Variants in TLL1 observed in about 807,000 individuals in gnomAD.
TLL1 encodes the protein tolloid like 1.
In TLL1, 49 loss-of-function variants were observed where a neutral mutation model predicts 128.2. The ratio of observed to expected loss-of-function variants is 0.38; its 90% CI spans 0.30 to 0.48. TLL1 has a LOEUF of 0.48. TLL1 is among the 20% of genes least tolerant of loss of function. The probability of loss-of-function intolerance (pLI) is 0.96; values close to 1 mark genes in which losing one functional copy is unlikely to be tolerated. For synonymous variants in TLL1, 454 were observed against 418.8 expected, an observed-to-expected ratio of 1.08 and a Z score of -1.03; for missense variants, 1,123 against 1,242.0, an observed-to-expected ratio of 0.90 and a Z score of 1.44.
Position 165,992,901 on chromosome 4 carries a change from A to G in TLL1, c.361+17A>G, listed in dbSNP as rs1219888568. The G allele has an allele frequency of 3.1e-6, 5 of 1,598,612 alleles. No homozygotes were observed. In the Admixed American group the frequency reaches 8.4e-5, roughly 27 times the overall value. ...TTGGCTTTGGTATATCAATGTTTAA[A>G]GTTGCAGACGCTTGACTTGATGTAC... On this transcript the variant is annotated intron_variant, in intron 3 of 20. Transcript: ENST00000061240.
chr4:165,948,901 A>G (rs945307457), intron 1 of TLL1, among the ~76,000 whole-genome samples: 3 of 152,138 alleles, frequency 2.0e-5, no homozygotes, highest in Admixed American at 6.5e-5. Context: ...TGTGGTAGAC[A>G]TAATTCTAAA....
chr4:166,098,292 G>A (rs188857809), intron 19 of TLL1, among the ~76,000 whole-genome samples: 83 of 126,922 alleles, frequency 6.5e-4, no homozygotes, highest in African/African-American at 2.3e-3. Flanking sequence ...CTGAGATCAC[G>A]CCACTGCACA....
At chr4:165,914,757 T>C (rs1732704415) in intron 1 of TLL1, among the ~76,000 whole-genome samples, 1 of 152,208 alleles carries the variant, frequency 6.6e-6, no homozygotes, top group African/African-American at 2.4e-5. Context: ...GGAACTCTTT[T>C]ATAATAGGCT....
intron 9 of TLL1, among the ~76,000 whole-genome samples, chr4:166,035,759 T>C (rs933738531): frequency 1.3e-5 from 2 of 152,160 alleles, no homozygotes; most frequent in Admixed American, 1.3e-4. Flanking sequence ...GGCTGTACAG[T>C]ATTTGTCACA....
At position 166,073,932 on chromosome 4, in the gene TLL1, A is replaced by G. The variant is rs78289241; in HGVS notation, c.2189-946A>G. On this transcript the variant is annotated intron_variant, in intron 16 of 20. Coordinates refer to ENST00000061240, the MANE Select transcript of TLL1 (RefSeq NM_012464.5). Reference sequence around the variant, plus strand: ...CTGTAACACGTCCTTTTCATTCTCTATGTGTGGGAGTGATGAAAGTCTGAG... The same window carrying G: ...CTGTAACACGTCCTTTTCATTCTCTGTGTGTGGGAGTGATGAAAGTCTGAG... 7.6e-3 allele frequency among the ~76,000 whole-genome samples: 1,155 copies of G among 152,054 alleles called. 6 individuals carry two copies. Among genetic ancestry groups the G allele is most frequent in the Middle Eastern group, 0.024 (7 of 294 alleles).
intron 1 of TLL1, among the ~76,000 whole-genome samples, chr4:165,919,312 G>T (rs530940422): frequency 1.3e-5 from 2 of 150,786 alleles, no homozygotes; most frequent in African/African-American, 4.9e-5. Context: ...CAGCCTGGGA[G>T]GTCAAAGCTG....
chr4:166,036,312 G>A (rs188731791), intron 9 of TLL1, among the ~76,000 whole-genome samples: 4 of 152,056 alleles, frequency 2.6e-5, no homozygotes, highest in Admixed American at 1.3e-4. Flanking sequence ...TCTATTCAAC[G>A]TTGCAACTTA....
chr4:165,894,478 A>G (rs919994107), intron 1 of TLL1, among the ~76,000 whole-genome samples: 7 of 152,174 alleles, frequency 4.6e-5, no homozygotes, highest in Admixed American at 6.5e-5. Context: ...ACCCAGCAAA[A>G]ATATCTTTCA....
chr4:166,027,827 C>A (rs913599565), intron 9 of TLL1, among the ~76,000 whole-genome samples: 8 of 152,090 alleles, frequency 5.3e-5, no homozygotes, highest in African/African-American at 1.7e-4. Flanking sequence ...CTGGGAAAAA[C>A]ATTTCTCCTG....
At chr4:165,916,720 G>T (rs527844185) in intron 1 of TLL1, among the ~76,000 whole-genome samples, 2 of 152,172 alleles carry the variant, frequency 1.3e-5, no homozygotes, top group South Asian at 4.1e-4. Context: ...GGAAAGTGAT[G>T]CTCAGGGAGA....
At chr4:166,032,676 A>G (rs1443914641) in intron 9 of TLL1, among the ~76,000 whole-genome samples, 1 of 152,162 alleles carries the variant, frequency 6.6e-6, no homozygotes, top group African/African-American at 2.4e-5. Flanking sequence ...ATAGTTTTCT[A>G]AAGAAAACAA....
At chr4:165,887,375 A>G (rs1281331197) in intron 1 of TLL1, among the ~76,000 whole-genome samples, 3 of 152,130 alleles carry the variant, frequency 2.0e-5, no homozygotes, top group Non-Finnish European at 4.4e-5. Flanking sequence ...ATTGGAGGTA[A>G]GAGACCAGTG....
chr4:166,057,345 A>AC, intron 14 of TLL1, 36 bp downstream of exon 14: 9 of 1,584,680 alleles, frequency 5.7e-6, no homozygotes, highest in Non-Finnish European at 7.8e-6. Flanking sequence ...CCCACCCCCC[A>AC]CAATTATTTA....
At chr4:165,986,181 G>A (rs1001542174) in intron 1 of TLL1, among the ~76,000 whole-genome samples, 6 of 151,978 alleles carry the variant, frequency 3.9e-5, no homozygotes, top group East Asian at 1.9e-4. Flanking sequence ...AAGTGGATTC[G>A]AGAATTTCAT....
At chr4:166,001,039 G>A (rs77220953) in intron 5 of TLL1, among the ~76,000 whole-genome samples, 2 of 152,104 alleles carry the variant, frequency 1.3e-5, no homozygotes, top group Non-Finnish European at 2.9e-5. Flanking sequence ...AAAAGGGTAG[G>A]GGGAGAGGGA....
At chr4:166,088,559 G>C (rs1022516339) in intron 18 of TLL1, among the ~76,000 whole-genome samples, 9 of 152,002 alleles carry the variant, frequency 5.9e-5, no homozygotes, top group Non-Finnish European at 1.2e-4. Context: ...AGTTCAGGCT[G>C]ATTTCTGGAA....
rs368179462 is a variant in TLL1, at chr4:165,884,097, A to G, written c.169+10024A>G. Among the ~76,000 whole-genome samples, 3 of 152,228 alleles carry G rather than the reference A, an allele frequency of 2.0e-5. No homozygotes were observed. The East Asian group carries it at 5.8e-4, about 29-fold the overall frequency. ...ACAAATATTCATTAATTCATTAAACAATTTTTGAACATTCTTATGAAGGAA... is the reference window on the plus strand; with the variant it reads ...ACAAATATTCATTAATTCATTAAACGATTTTTGAACATTCTTATGAAGGAA... On this transcript the variant is annotated intron_variant, in intron 1 of 20. Coordinates refer to ENST00000061240, the MANE Select transcript of TLL1 (RefSeq NM_012464.5).
intron 1 of TLL1, among the ~76,000 whole-genome samples, chr4:165,971,827 C>CT (rs1437000068): frequency 2.6e-5 from 4 of 152,152 alleles, no homozygotes; most frequent in Non-Finnish European, 5.9e-5. Flanking sequence ...TGTCCTGTCT[C>CT]TTTTTGGAGG....
chr4:165,944,477 G>C (rs1734153594), intron 1 of TLL1, among the ~76,000 whole-genome samples: 1 of 152,124 alleles, frequency 6.6e-6, no homozygotes, highest in Admixed American at 6.5e-5. Flanking sequence ...TGGGTGGCAG[G>C]ACTATGGCAT....
Sources: gnomAD v4.1 joint callset for allele counts (sites outside exome capture counted in the v4.1 genomes callset) on GRCh38, gnomAD v4.1.1 for gene constraint, MANE v1.5 for transcripts, NCBI Gene and HGNC (gene_info 2026-07-23, HGNC 2026-07-21) for gene names.